The following CCDC66 variants were observed in gnomAD, a reference collection of about 807,000 sequenced individuals.
The protein encoded by CCDC66 is coiled-coil domain containing 66.
A neutral mutation model predicts 128.3 loss-of-function variants in CCDC66; 133 were observed. The ratio of observed to expected loss-of-function variants is 1.04; its 90% CI spans 0.90 to 1.20. The LOEUF (loss-of-function observed/expected upper bound fraction) is 1.20. Among genes scored for constraint, CCDC66 ranks in the 50% most tolerant of loss-of-function variants. CCDC66 has a pLI of 0.00. For missense variants in CCDC66, 1,126 were observed against 1,075.5 expected, an observed-to-expected ratio of 1.05 and a Z score of -0.66; for synonymous variants, 387 against 357.0, an observed-to-expected ratio of 1.08 and a Z score of -0.95.
At chr3:56,590,878 G>A (rs955368056) in intron 7 of CCDC66, among the ~76,000 whole-genome samples, 2 of 152,218 alleles carry the variant, frequency 1.3e-5, no homozygotes, top group African/African-American at 4.8e-5. Flanking sequence ...CCTGGGAAAA[G>A]AGGCTTCTTT....
intron 10 of CCDC66, among the ~76,000 whole-genome samples, chr3:56,612,045 A>C (rs911036956): frequency 2.6e-5 from 4 of 152,158 alleles, no homozygotes; most frequent in Non-Finnish European, 5.9e-5. Context: ...AAGCCTCCAC[A>C]TGCTGCTGTG....
intron 7 of CCDC66, among the ~76,000 whole-genome samples, chr3:56,573,455 A>G (rs1371703870): frequency 1.3e-5 from 2 of 152,232 alleles, no homozygotes; most frequent in Admixed American, 6.5e-5. Flanking sequence ...TGCTGAGTGA[A>G]GTGGCTGAAT....
chr3:56,573,082 A>T (rs1467430168), intron 7 of CCDC66, among the ~76,000 whole-genome samples: 1 of 152,214 alleles, frequency 6.6e-6, no homozygotes, highest in Non-Finnish European at 1.5e-5. Flanking sequence ...TGTAATACTA[A>T]AAATGTTAAA....
At chr3:56,603,279 A>G (rs1479569062) in intron 10 of CCDC66, among the ~76,000 whole-genome samples, 2 of 152,030 alleles carry the variant, frequency 1.3e-5, no homozygotes, top group Non-Finnish European at 1.5e-5. Context: ...TCGTGTCTGT[A>G]TCTCCTACAG....
chr3:56,558,840 T>C lies in CCDC66; in HGVS notation c.12-6T>C. The C allele has an allele frequency of 6.5e-7, 1 of 1,543,870 alleles. No individual in the cohort carries two copies. The highest frequency in any genetic ancestry group is 8.8e-7 in the Non-Finnish European group (1 of 1,140,656). ...AATGAGAGACAACTTTCTTTTTTTA[T>C]TACAGAGATGGTTTAAAGCTTGAAA... On this transcript the variant is annotated splice_region_variant and splice_polypyrimidine_tract_variant and intron_variant, in intron 1 of 17. Coordinates refer to ENST00000394672, the MANE Select transcript of CCDC66 (RefSeq NM_001141947.3).
chr3:56,563,298 T>C (rs1577232316), intron 3 of CCDC66, among the ~76,000 whole-genome samples: 1 of 150,954 alleles, frequency 6.6e-6, no homozygotes, highest in East Asian at 2.0e-4. Flanking sequence ...GAGGTGGAGG[T>C]TGCAGTGAGC....
intron 4 of CCDC66, chr3:56,565,113 C>T (rs1219119772): frequency 1.2e-5 from 5 of 418,356 alleles, no homozygotes; most frequent in Admixed American, 1.0e-4. Flanking sequence ...CCCTCTAAAA[C>T]ATCTGATTTT....
chr3:56,592,279 T>G (rs1303445762), intron 7 of CCDC66, among the ~76,000 whole-genome samples: 1 of 152,252 alleles, frequency 6.6e-6, no homozygotes, highest in African/African-American at 2.4e-5. Flanking sequence ...TTCCAAATGT[T>G]GTATTCCAAA....
Position 56,592,974 on chromosome 3 carries a change from C to G in CCDC66, c.941C>G (p.Thr314Arg). ...GCTTTTATGGCTGTTGTTTAGGAAA[C>G]AGTACTGCTGGAGCACCCTTTCAGT... ...KHQILDQSRE[T>R]VLLEHPFSAV... Residue 314 changes from threonine (T) to arginine (R), a missense_variant, in exon 8 of 18, where the codon ACA becomes AGA. Thr to Arg is a moderately conservative substitution (Grantham distance 71). Coordinates refer to ENST00000394672, the MANE Select transcript of CCDC66 (RefSeq NM_001141947.3). 6.2e-7 allele frequency: 1 copy of G among 1,606,382 alleles called. No individual in the cohort carries two copies. Among genetic ancestry groups the G allele is most frequent in the Non-Finnish European group, 8.5e-7 (1 of 1,178,028 alleles).
rs1257132904 is a variant in CCDC66, at chr3:56,621,560, A to AAAGT, written c.2791_2794dup (p.Ser932LysfsTer2). 5.4e-5 allele frequency: 87 copies of AAAGT among 1,600,028 alleles called. No individual in the cohort carries two copies. Among genetic ancestry groups the AAAGT allele is most frequent in the Non-Finnish European group, 7.2e-5 (84 of 1,173,966 alleles). On this transcript the variant is annotated frameshift_variant, in exon 18 of 18. Coordinates refer to ENST00000394672, the MANE Select transcript of CCDC66 (RefSeq NM_001141947.3). LOFTEE classifies it high-confidence loss of function. ...CTTCTCCAGAAGCAAAAGGAGTTGGAAAGTAGTCTCCTGCCTTTAGCTGAA... is the reference window on the plus strand; with the variant it reads ...CTTCTCCAGAAGCAAAAGGAGTTGGAAAGTAAGTAGTCTCCTGCCTTTAGCTGAA...
Position 56,564,033 on chromosome 3 carries a change from G to C in CCDC66, c.452G>C (p.Cys151Ser), listed in dbSNP as rs745683890. ...GAAAACATGAAGAGCAGTTTGGTGT[G>C]TCTAACACAAGACCAACTACAACAG... ...TAENMKSSLV[C>S]LTQDQLQQIL... Residue 151 changes from cysteine (C) to serine (S), a missense_variant, in exon 4 of 18, where the codon TGT becomes TCT. By Grantham distance (112) the Cys-to-Ser change is moderately radical. Coordinates refer to ENST00000394672, the MANE Select transcript of CCDC66 (RefSeq NM_001141947.3). 1.2e-5 allele frequency: 19 copies of C among 1,613,982 alleles called. No homozygotes were observed. Among genetic ancestry groups the C allele is most frequent in the Non-Finnish European group, 1.6e-5 (19 of 1,179,934 alleles).
At chr3:56,568,006 T>C (rs898473208) in intron 6 of CCDC66, among the ~76,000 whole-genome samples, 1 of 152,134 alleles carries the variant, frequency 6.6e-6, no homozygotes, top group Non-Finnish European at 1.5e-5. Flanking sequence ...GGTTTTATTA[T>C]GTACATGAGA....
At position 56,619,524 on chromosome 3, in the gene CCDC66, CA is replaced by C; in HGVS notation, c.2634del (p.Asp879ThrfsTer24). 1 of 1,604,356 alleles carries C rather than the reference CA, an allele frequency of 6.2e-7. No homozygotes were observed. Among genetic ancestry groups the C allele is most frequent in the Non-Finnish European group, 8.5e-7 (1 of 1,176,476 alleles). ...CCAGGACCCTCAGTACCAAAATTCA[CA>C]AGGTAAGTAAATATTAAGCATTCTA... ...STQDPQYQNS[Q>X]DCGQKRQLFD... On this transcript the variant is annotated frameshift_variant and splice_region_variant, in exon 16 of 18. Transcript: ENST00000394672. LOFTEE classifies it high-confidence loss of function.
At chr3:56,559,514 AC>A in intron 2 of CCDC66, 54 bp from the exon 3 acceptor site, 1 of 1,195,518 alleles carries the variant, frequency 8.4e-7, no homozygotes, top group East Asian at 2.7e-5. Flanking sequence ...TTCTTGCATT[AC>A]CACCTTAGTA....
intron 10 of CCDC66, among the ~76,000 whole-genome samples, chr3:56,608,667 T>TG (rs1280093332): frequency 6.6e-6 from 1 of 152,210 alleles, no homozygotes; most frequent in East Asian, 1.9e-4. Context: ...TTGTTCTTGT[T>TG]TCTCCATTTC....
At chr3:56,583,145 G>T (rs1334989726) in intron 7 of CCDC66, among the ~76,000 whole-genome samples, 4 of 151,618 alleles carry the variant, frequency 2.6e-5, no homozygotes, top group Non-Finnish European at 5.9e-5. Flanking sequence ...GGGATTATAG[G>T]CTTGAGCTGC....
At chr3:56,572,352 A>G (rs570389425) in intron 7 of CCDC66, 43 of 1,289,524 alleles carry the variant, frequency 3.3e-5, no homozygotes, top group Middle Eastern at 2.1e-4. Context: ...CAAGCATTCT[A>G]TCACAGTCTC....
intron 10 of CCDC66, among the ~76,000 whole-genome samples, chr3:56,600,414 T>C (rs2072956220): frequency 6.6e-6 from 1 of 152,028 alleles, no homozygotes; most frequent in Non-Finnish European, 1.5e-5. Flanking sequence ...CCAAAAGTGC[T>C]GGGATTACAG....
chr3:56,588,526 G>C (rs1438210285), intron 7 of CCDC66, among the ~76,000 whole-genome samples: 1 of 152,042 alleles, frequency 6.6e-6, no homozygotes, highest in African/African-American at 2.4e-5. Flanking sequence ...ATTTACTTTT[G>C]CATCAACCTA....
Sources: allele counts gnomAD v4.1 joint callset (sites outside exome capture counted in the v4.1 genomes callset), GRCh38; gene constraint gnomAD v4.1.1; transcripts MANE v1.5; gene names NCBI Gene and HGNC (gene_info 2026-07-23, HGNC 2026-07-21).